Variants in SLCO1C1 observed in about 807,000 individuals in gnomAD.
SLCO1C1 encodes the protein solute carrier organic anion transporter family member 1C1, also known as OAT-RP-5.
In SLCO1C1, 70 loss-of-function variants were observed where a neutral mutation model predicts 76.4. The ratio of observed to expected loss-of-function variants is 0.92; its 90% CI spans 0.76 to 1.12. The LOEUF (loss-of-function observed/expected upper bound fraction) is 1.12. Ranked by LOEUF, SLCO1C1 falls within the 50% of genes most tolerant of loss-of-function variation. The probability of loss-of-function intolerance (pLI) is 0.00; values close to 1 mark genes in which losing one functional copy is unlikely to be tolerated. For missense variants in SLCO1C1, 912 were observed against 823.8 expected, an observed-to-expected ratio of 1.11 and a Z score of -1.31; for synonymous variants, 306 against 286.1, an observed-to-expected ratio of 1.07 and a Z score of -0.70.
chr12:20,721,776 T>C, intron 7 of SLCO1C1, 28 bp from the exon 8 acceptor site: 1 of 1,608,034 alleles, frequency 6.2e-7, no homozygotes, highest in South Asian at 1.1e-5. Context: ...GCTGTTTGTA[T>C]TACTTAGCCA....
chr12:20,746,673 C>G (rs1174943715), intron 13 of SLCO1C1, among the ~76,000 whole-genome samples: 4 of 152,074 alleles, frequency 2.6e-5, no homozygotes, highest in Non-Finnish European at 5.9e-5. Flanking sequence ...GTACATTTGC[C>G]TGAAGTAAAC....
At chr12:20,715,036 C>T in intron 5 of SLCO1C1, 103 bp from the exon 6 acceptor site, 1 of 1,400,654 alleles carries the variant, frequency 7.1e-7, no homozygotes, top group Non-Finnish European at 9.7e-7. Flanking sequence ...CACAAAAACT[C>T]CTGCATTCTA....
intron 13 of SLCO1C1, among the ~76,000 whole-genome samples, chr12:20,749,546 C>T (rs527362513): frequency 6.6e-6 from 1 of 152,278 alleles, no homozygotes; most frequent in East Asian, 1.9e-4. Context: ...TCTACACAGA[C>T]TAAATAACCA....
intron 2 of SLCO1C1, 81 bp downstream of exon 2, chr12:20,699,786 G>A: frequency 2.2e-6 from 3 of 1,334,348 alleles, no homozygotes; most frequent in Non-Finnish European, 2.0e-6. Flanking sequence ...GTTAGAATGA[G>A]AATTGTTTTC....
At chr12:20,700,983 G>A (rs899177636) in intron 2 of SLCO1C1, among the ~76,000 whole-genome samples, 2 of 152,028 alleles carry the variant, frequency 1.3e-5, no homozygotes, top group African/African-American at 4.8e-5. Context: ...TCTTACCAAT[G>A]AATGTCTCAC....
chr12:20,705,846 T>C, intron 3 of SLCO1C1, 103 bp from the exon 4 acceptor site: 1 of 1,201,018 alleles, frequency 8.3e-7, no homozygotes, highest in Non-Finnish European at 1.2e-6. Context: ...ATGGCTTAGT[T>C]AAAAGAAAAC....
intron 2 of SLCO1C1, 138 bp downstream of exon 2, chr12:20,699,843 C>T (rs1205837093): frequency 9.5e-7 from 1 of 1,048,092 alleles, no homozygotes; most frequent in Non-Finnish European, 1.3e-6. Context: ...ACTAAAACCA[C>T]ACCTTGCCAG....
intron 3 of SLCO1C1, among the ~76,000 whole-genome samples, chr12:20,704,291 A>G (rs925609703): frequency 2.0e-5 from 3 of 151,100 alleles, no homozygotes; most frequent in Admixed American, 6.6e-5. Context: ...ATTGTCTTGT[A>G]TATGACATGC....
chr12:20,715,010 CA>C (rs1947297268), intron 5 of SLCO1C1, 128 bp from the exon 6 acceptor site: 1 of 1,139,022 alleles, frequency 8.8e-7, no homozygotes, highest in Non-Finnish European at 1.2e-6. Context: ...AAACTCCCAT[CA>C]AATTAAGACT....
chr12:20,704,921 C>A (rs1210779032), intron 3 of SLCO1C1, among the ~76,000 whole-genome samples: 1 of 151,912 alleles, frequency 6.6e-6, no homozygotes, highest in Non-Finnish European at 1.5e-5. Flanking sequence ...GTCTAAAACC[C>A]TAAACAATGT....
intron 7 of SLCO1C1, among the ~76,000 whole-genome samples, chr12:20,719,920 G>A (rs192943575): frequency 2.1e-3 from 327 of 152,276 alleles, no homozygotes; most frequent in Non-Finnish European, 4.0e-3. Flanking sequence ...GTCTTCTATT[G>A]GAAGAAGATG....
At position 20,722,032 on chromosome 12, in the gene SLCO1C1, T is replaced by C; in HGVS notation, c.1004T>C (p.Ile335Thr). ...ACACCCCAGGGAGAAAATGCAAAAA[T>C]AATGGAAATGGCAAGAGGTAAGTCA... is the stretch of plus-strand genomic sequence containing the variant. The part of the protein sequence containing the change: ...YQTPQGENAK[I>T]MEMARDFLPS... Residue 335 changes from isoleucine to threonine, a missense_variant, in exon 8 of 15, where the codon ATA becomes ACA. By Grantham distance (89) the Ile-to-Thr change is moderately conservative. Coordinates refer to ENST00000266509, the MANE Select transcript of SLCO1C1 (RefSeq NM_017435.5). The C allele has an allele frequency of 6.2e-7, 1 of 1,613,414 alleles. No individual in the cohort carries two copies. Among genetic ancestry groups the C allele is most frequent in the Non-Finnish European group, 8.5e-7 (1 of 1,179,798 alleles).
Position 20,721,859 on chromosome 12 carries a change from C to T in SLCO1C1, c.831C>T (p.Gly277=). The change falls in exon 8 of 15, where the codon GGC becomes GGT. Residue 277 remains glycine, a synonymous_variant. Coordinates refer to ENST00000266509, the MANE Select transcript of SLCO1C1 (RefSeq NM_017435.5). ...DPQWVGAWWL[G]YLIAGIISLL... is the part of the protein sequence containing the mutation. ...AGTGGGTAGGAGCCTGGTGGCTTGG[C>T]TATCTAATAGCAGGAATCATAAGTC... is the stretch of plus-strand genomic sequence containing the variant. The T allele has an allele frequency of 1.9e-6, 3 of 1,614,146 alleles. No individual in the cohort carries two copies. The highest frequency in any genetic ancestry group is 2.5e-6 in the Non-Finnish European group (3 of 1,180,014).
At chr12:20,750,636 G>A (rs1170627638) in intron 13 of SLCO1C1, 39 bp from the exon 14 acceptor site, 8 of 1,557,704 alleles carry the variant, frequency 5.1e-6, no homozygotes, top group Non-Finnish European at 7.1e-6. Context: ...AAAAAGATGT[G>A]CATATGTTTT....
At chr12:20,711,578 G>A in intron 5 of SLCO1C1, 68 bp downstream of exon 5, 3 of 1,515,066 alleles carry the variant, frequency 2.0e-6, no homozygotes, top group South Asian at 1.2e-5. Context: ...GCTTTAGGAT[G>A]GACAAAAGTG....
chr12:20,711,593 T>C, intron 5 of SLCO1C1, 83 bp downstream of exon 5: 2 of 1,454,950 alleles, frequency 1.4e-6, no homozygotes, highest in South Asian at 1.3e-5. Context: ...AAAGTGTCTA[T>C]GATTTTTGCT....
At chr12:20,733,911 G>A (rs1263664381) in intron 10 of SLCO1C1, among the ~76,000 whole-genome samples, 1 of 152,062 alleles carries the variant, frequency 6.6e-6, no homozygotes, top group Non-Finnish European at 1.5e-5. Flanking sequence ...CACTTCACAT[G>A]AATTTCCAGA....
chr12:20,750,066 A>C (rs554952277), intron 13 of SLCO1C1, among the ~76,000 whole-genome samples: 13 of 152,176 alleles, frequency 8.5e-5, no homozygotes, highest in African/African-American at 1.2e-4. Flanking sequence ...ACAAAAGTAG[A>C]AAGACCCAAT....
At chr12:20,715,450 GAA>G (rs1270075843) in intron 6 of SLCO1C1, among the ~76,000 whole-genome samples, 165 bp downstream of exon 6, 7 of 152,192 alleles carry the variant, frequency 4.6e-5, no homozygotes, top group African/African-American at 1.7e-4. Flanking sequence ...TTTGGATGAT[GAA>G]GACACCATAG....
Sources: gnomAD v4.1 joint callset for allele counts (sites outside exome capture counted in the v4.1 genomes callset) on GRCh38, gnomAD v4.1.1 for gene constraint, MANE v1.5 for transcripts, NCBI Gene and HGNC (gene_info 2026-07-23, HGNC 2026-07-21) for gene names.